PSD3: variants seen among roughly 807,000 people sequenced by gnomAD.
PSD3 encodes PH and SEC7 domain-containing protein 3.
A neutral mutation model predicts 105.5 loss-of-function variants in PSD3; 49 were observed. That is an observed-to-expected ratio of 0.46 (90% CI 0.37 to 0.59). The LOEUF (loss-of-function observed/expected upper bound fraction) is 0.59. PSD3 is among the 20% of genes least tolerant of loss of function. The pLI, the probability that PSD3 is intolerant of heterozygous loss-of-function variation, is 0.00. For synonymous variants in PSD3, 557 were observed against 457.8 expected (o/e 1.22, Z -2.77); for missense variants, 1,561 against 1,263.8 (o/e 1.24, Z -3.57).
At chr8:18,731,696 G>C (rs375791856) in intron 9 of PSD3, among the ~76,000 whole-genome samples, 20 of 152,218 alleles carry the variant, frequency 1.3e-4, no homozygotes, top group African/African-American at 4.3e-4. Context: ...GTTCTACTCA[G>C]GAAATTAAAA....
chr8:18,618,491 G>T (rs973626686), intron 11 of PSD3, among the ~76,000 whole-genome samples: 1 of 151,160 alleles, frequency 6.6e-6, no homozygotes, highest in Non-Finnish European at 1.5e-5. Context: ...GATGGCAAAT[G>T]ATGAAATTCT....
chr8:18,999,823 ATTAC>A (rs1384458354), intron 1 of PSD3, among the ~76,000 whole-genome samples: 1 of 151,600 alleles, frequency 6.6e-6, no homozygotes, highest in Non-Finnish European at 1.5e-5. Flanking sequence ...CCTCTGAATC[ATTAC>A]TTAATGATTT....
chr8:18,664,333 ACAGCTTTATTG>A (rs1809562321), intron 9 of PSD3, among the ~76,000 whole-genome samples: 1 of 152,206 alleles, frequency 6.6e-6, no homozygotes, highest in African/African-American at 2.4e-5. Flanking sequence ...AGAGAGTGAA[ACAGCTTTATTG>A]CTGATATGGA....
intron 1 of PSD3, among the ~76,000 whole-genome samples, chr8:18,962,448 A>AAC (rs139143364): frequency 0.02 from 2,982 of 152,170 alleles, 98 homozygotes; most frequent in African/African-American, 0.069. Context: ...AATATATGAC[A>AAC]ACACACACAC....
Position 18,529,227 on chromosome 8 carries a change from T to G in PSD3, c.*6516A>C, listed in dbSNP as rs144998001. On this transcript the variant is annotated 3_prime_UTR_variant, in exon 16 of 16. Transcript: ENST00000327040. ...TCCACAAGAAAGAATGTGATATGGA[T>G]CCCCTCATTTATGTGTTAAAAATAT... The G allele has an allele frequency of 1.8e-4, 28 of 152,236 alleles. No homozygotes were observed. The highest frequency in any genetic ancestry group is 6.3e-4 in the African/African-American group (26 of 41,552). 9.4% of individuals were successfully genotyped at this position (152,236 alleles called of 1,614,324 possible).
chr8:18,832,502 A>G (rs1813758863), intron 4 of PSD3, among the ~76,000 whole-genome samples: 1 of 152,162 alleles, frequency 6.6e-6, no homozygotes, highest in Non-Finnish European at 1.5e-5. Flanking sequence ...AGTACAGCTC[A>G]CTGTGGTTGC....
intron 1 of PSD3, among the ~76,000 whole-genome samples, chr8:19,057,583 C>A (rs1234682481): frequency 6.6e-6 from 1 of 152,098 alleles, no homozygotes; most frequent in Non-Finnish European, 1.5e-5. Context: ...CCACCTTACC[C>A]CACCTCTCCT....
chr8:18,899,572 C>G (rs537094968), intron 2 of PSD3, among the ~76,000 whole-genome samples: 10 of 152,158 alleles, frequency 6.6e-5, no homozygotes, highest in South Asian at 4.2e-4. Flanking sequence ...GATGTAGAAG[C>G]TGAATTAGAG....
At chr8:18,813,438 G>A (rs542535218) in intron 4 of PSD3, among the ~76,000 whole-genome samples, 1 of 152,196 alleles carries the variant, frequency 6.6e-6, no homozygotes, top group African/African-American at 2.4e-5. Flanking sequence ...TCACCCTTAT[G>A]TTGGTGGAGG....
intron 1 of PSD3, among the ~76,000 whole-genome samples, chr8:18,964,806 G>C (rs933197086): frequency 1.9e-4 from 29 of 152,204 alleles, no homozygotes; most frequent in Admixed American, 3.3e-4. Context: ...CTCAAAGGAA[G>C]TAGATTATAA....
intron 4 of PSD3, among the ~76,000 whole-genome samples, chr8:18,832,470 T>G (rs1813755665): frequency 6.6e-6 from 1 of 152,218 alleles, no homozygotes; most frequent in African/African-American, 2.4e-5. Context: ...CCAATTTCCC[T>G]ACGCCGCTAC....
At chr8:18,557,364 CAG>C (rs1435366718) in intron 14 of PSD3, 1 of 152,122 alleles carries the variant, frequency 6.6e-6, no homozygotes, top group African/African-American at 2.4e-5. Context: ...TTTACATAAA[CAG>C]AAAATGAATA....
chr8:19,029,846 C>T (rs951588318), intron 1 of PSD3, among the ~76,000 whole-genome samples: 2 of 152,066 alleles, frequency 1.3e-5, no homozygotes, highest in Non-Finnish European at 2.9e-5. Context: ...TTTTGTATGT[C>T]GATCTTGCAT....
At chr8:19,049,750 A>G (rs1451390725) in intron 1 of PSD3, among the ~76,000 whole-genome samples, 2 of 150,648 alleles carry the variant, frequency 1.3e-5, no homozygotes, top group Non-Finnish European at 3.0e-5. Flanking sequence ...TTTCTCCTCT[A>G]ATGAAAAGGT....
chr8:18,818,903 GA>G (rs1279540930), intron 4 of PSD3, among the ~76,000 whole-genome samples: 1 of 151,956 alleles, frequency 6.6e-6, no homozygotes, highest in African/African-American at 2.4e-5. Flanking sequence ...GGGTTGGGGG[GA>G]AAAGTCATCC....
chr8:19,076,077 G>T (rs1412125371), intron 1 of PSD3, among the ~76,000 whole-genome samples: 1 of 146,668 alleles, frequency 6.8e-6, no homozygotes, highest in Non-Finnish European at 1.5e-5. Context: ...AGTATAAAAA[G>T]ATAGGTTGTT....
At chr8:19,032,649 CAAAA>C (rs59029468) in intron 1 of PSD3, among the ~76,000 whole-genome samples, 6 of 108,296 alleles carry the variant, frequency 5.5e-5, no homozygotes, top group Admixed American at 3.2e-4. Context: ...GACTCTGTCT[CAAAA>C]AAAAAAAAAA....
chr8:18,799,333 A>G lies in PSD3; in HGVS notation c.2044T>C (p.Cys682Arg). 1 of 1,608,782 alleles carries G rather than the reference A, an allele frequency of 6.2e-7. No homozygotes were observed. The highest frequency in any genetic ancestry group is 8.5e-7 in the Non-Finnish European group (1 of 1,175,620). Residue 682 changes from cysteine to arginine, a missense_variant, in exon 8 of 16, where the codon TGT (cysteine) becomes CGT (arginine). Coordinates refer to ENST00000327040, the MANE Select transcript of PSD3 (RefSeq NM_015310.4). ...TCGGTATTAAGAAGCATTATTGCAC[A>G]GGTAAGGCAATGGACTCCATCTAAA... ...ASQDGVHCLT[C>R]AIMLLNTDLH...
At chr8:18,719,066 A>G (rs537042482) in intron 9 of PSD3, among the ~76,000 whole-genome samples, 85 of 152,068 alleles carry the variant, frequency 5.6e-4, no homozygotes, top group Non-Finnish European at 1.0e-3. Context: ...AATGAGGCTA[A>G]AAGGAAAAAG....
Sources: allele counts gnomAD v4.1 joint callset (sites outside exome capture counted in the v4.1 genomes callset), GRCh38; gene constraint gnomAD v4.1.1; transcripts MANE v1.5; gene names NCBI Gene and HGNC (gene_info 2026-07-23, HGNC 2026-07-21).